Variants in SETBP1 observed in about 807,000 individuals in gnomAD.
SETBP1 encodes the protein SET-binding protein.
SETBP1 carries 9 observed loss-of-function variants against 101.0 expected under a neutral mutation model. That is an observed-to-expected ratio of 0.09 (90% CI 0.05 to 0.16). The LOEUF is 0.16. Among genes scored for constraint, SETBP1 ranks in the 10% least tolerant of loss-of-function variants. The pLI is 1.00. For missense variants in SETBP1, 1,858 were observed against 2,033.8 expected (o/e 0.91, Z 1.66); for synonymous variants, 818 against 788.5 (o/e 1.04, Z -0.63).
chr18:44,739,870 G>A (rs918329275), intron 2 of SETBP1, among the ~76,000 whole-genome samples: 3 of 152,304 alleles, frequency 2.0e-5, no homozygotes, highest in Middle Eastern at 3.4e-3. Flanking sequence ...AGGATCATAC[G>A]TGGGAAGTGG....
intron 5 of SETBP1, among the ~76,000 whole-genome samples, chr18:45,054,661 C>A (rs1369510681): frequency 6.6e-6 from 1 of 152,084 alleles, no homozygotes; most frequent in Non-Finnish European, 1.5e-5. Flanking sequence ...CTGTTTTGCC[C>A]AGTTTTTTCA....
At chr18:44,794,176 A>G (rs1240404249) in intron 2 of SETBP1, among the ~76,000 whole-genome samples, 4 of 152,172 alleles carry the variant, frequency 2.6e-5, no homozygotes, top group Non-Finnish European at 5.9e-5. Flanking sequence ...TTGGGACACA[A>G]CTGTAACCCT....
At chr18:44,850,605 A>G (rs1258567094) in intron 2 of SETBP1, among the ~76,000 whole-genome samples, 1 of 151,802 alleles carries the variant, frequency 6.6e-6, no homozygotes, top group East Asian at 1.9e-4. Flanking sequence ...TCCTAACCTC[A>G]GGTGATCTGC....
intron 3 of SETBP1, among the ~76,000 whole-genome samples, chr18:44,888,128 T>C (rs1441127294): frequency 6.6e-6 from 1 of 152,138 alleles, no homozygotes; most frequent in Non-Finnish European, 1.5e-5. Context: ...GTGCTGGTCC[T>C]GGTCTCTGCC....
intron 4 of SETBP1, among the ~76,000 whole-genome samples, chr18:45,020,510 C>T (rs1357332250): frequency 6.6e-6 from 1 of 152,148 alleles, no homozygotes; most frequent in Non-Finnish European, 1.5e-5. Context: ...ATGTTTCCCA[C>T]ATTTGGCTCT....
In SETBP1 at chr18:44,701,576, G is replaced by A; in HGVS notation, c.230G>A (p.Ser77Asn). 6.2e-7 allele frequency: 1 copy of A among 1,614,212 alleles called. No homozygotes were observed. Among genetic ancestry groups the A allele is most frequent in the Non-Finnish European group, 8.5e-7 (1 of 1,180,040 alleles). Reference sequence around the variant, plus strand: ...GTGGATTCCAACTCCAACGCGGACAGTGAGAAATGGGTGGCAGGAGATGGT... The same window carrying A: ...GTGGATTCCAACTCCAACGCGGACAATGAGAAATGGGTGGCAGGAGATGGT... ...RDVDSNSNAD[S>N]EKWVAGDGLE... Residue 77 changes from serine (S) to asparagine (N), a missense_variant, in exon 2 of 6, where the codon AGT (serine) becomes AAT (asparagine). Ser to Asn is a conservative substitution (Grantham distance 46). Transcript: ENST00000649279.
chr18:44,999,347 G>A (rs897251217), intron 4 of SETBP1, among the ~76,000 whole-genome samples: 9 of 152,156 alleles, frequency 5.9e-5, no homozygotes, highest in Admixed American at 5.9e-4. Flanking sequence ...GCATTGAAGA[G>A]CCTCCAGAAC....
chr18:44,763,139 G>C (rs963581901), intron 2 of SETBP1, among the ~76,000 whole-genome samples: 1 of 152,160 alleles, frequency 6.6e-6, no homozygotes, highest in African/African-American at 2.4e-5. Flanking sequence ...AAATTAAATA[G>C]AGATAGGGAG....
intron 3 of SETBP1, among the ~76,000 whole-genome samples, chr18:44,897,006 C>T (rs746369786): frequency 4.6e-5 from 7 of 152,164 alleles, no homozygotes; most frequent in Non-Finnish European, 1.0e-4. Flanking sequence ...ACCCAGCTGT[C>T]GCCCAGAGTG....
chr18:44,917,656 G>A (rs906020592), intron 3 of SETBP1, among the ~76,000 whole-genome samples: 10 of 152,088 alleles, frequency 6.6e-5, no homozygotes, highest in African/African-American at 1.2e-4. Context: ...CTGCCTCCTC[G>A]AGTTGTTGAT....
chr18:44,978,643 A>G (rs565267004), intron 4 of SETBP1, among the ~76,000 whole-genome samples: 4 of 152,340 alleles, frequency 2.6e-5, no homozygotes, highest in South Asian at 4.1e-4. Context: ...CTGAATGTCA[A>G]AATGGAAGCT....
chr18:44,951,291 A>G lies in SETBP1; in HGVS notation c.1951A>G (p.Lys651Glu), dbSNP rs1412428991. ...CATGAGCGAGATGAAATTTCACAAG[A>G]AAGTTGGAAAGCTCGGCGTGTTGGA... ...KPMSEMKFHKKVGKLGVLDKK... is the reference protein window; with the variant it reads ...KPMSEMKFHKEVGKLGVLDKK... Residue 651 changes from lysine (K) to glutamate (E), a missense_variant, in exon 4 of 6, where the codon AAA becomes GAA. Coordinates refer to ENST00000649279, the MANE Select transcript of SETBP1 (RefSeq NM_015559.3). The surrounding 1 kb of genome is among the most constrained non-coding windows in gnomAD (Gnocchi z 7.8). 1.2e-6 allele frequency: 2 copies of G among 1,613,636 alleles called. No individual in the cohort carries two copies. Among genetic ancestry groups the G allele is most frequent in the South Asian group, 2.2e-5 (2 of 91,074 alleles).
chr18:44,857,466 G>C (rs2073001317), intron 2 of SETBP1, among the ~76,000 whole-genome samples: 1 of 152,170 alleles, frequency 6.6e-6, no homozygotes, highest in African/African-American at 2.4e-5. Flanking sequence ...GGGTCTGCAG[G>C]GATATGACTT....
At chr18:44,836,722 G>A (rs939766098) in intron 2 of SETBP1, among the ~76,000 whole-genome samples, 4 of 152,226 alleles carry the variant, frequency 2.6e-5, no homozygotes, top group African/African-American at 9.6e-5. Flanking sequence ...GGACTCCACA[G>A]TGATGAACTT....
chr18:45,016,608 A>G (rs1163936630), intron 4 of SETBP1, among the ~76,000 whole-genome samples: 2 of 152,194 alleles, frequency 1.3e-5, no homozygotes, highest in East Asian at 3.9e-4. Context: ...TGCAATAAAT[A>G]TGCTGCTTCA....
At chr18:44,849,882 A>G (rs2072812678) in intron 2 of SETBP1, among the ~76,000 whole-genome samples, 1 of 152,218 alleles carries the variant, frequency 6.6e-6, no homozygotes, top group South Asian at 2.1e-4. Flanking sequence ...AAAGTTTATT[A>G]TTATAATCAG....
chr18:44,990,277 A>T (rs1397106118), intron 4 of SETBP1, among the ~76,000 whole-genome samples: 1 of 152,188 alleles, frequency 6.6e-6, no homozygotes, highest in Non-Finnish European at 1.5e-5. Context: ...ATAGAAAAAA[A>T]TGTGGATAAA....
At chr18:44,722,740 T>G (rs1364621846) in intron 2 of SETBP1, among the ~76,000 whole-genome samples, 2 of 152,232 alleles carry the variant, frequency 1.3e-5, no homozygotes, top group Non-Finnish European at 2.9e-5. Context: ...GATTCCCATC[T>G]GAGTGCTTGT....
At chr18:44,761,013 G>A (rs1015787209) in intron 2 of SETBP1, among the ~76,000 whole-genome samples, 2 of 152,152 alleles carry the variant, frequency 1.3e-5, no homozygotes, top group African/African-American at 2.4e-5. Context: ...TACAACATTT[G>A]TATCTACTGT....
Sources: allele counts gnomAD v4.1 joint callset (sites outside exome capture counted in the v4.1 genomes callset), GRCh38; gene constraint gnomAD v4.1.1; non-coding constraint Gnocchi (gnomAD v3.1); transcripts MANE v1.5; gene names NCBI Gene and HGNC (gene_info 2026-07-23, HGNC 2026-07-21).